The following LRRC37A2 variants were observed in gnomAD, a reference collection of about 807,000 sequenced individuals.
LRRC37A2 encodes leucine-rich repeat-containing protein 37A2.
LRRC37A2 carries 9 observed loss-of-function variants against 68.8 expected under a neutral mutation model. The ratio of observed to expected loss-of-function variants is 0.13; its 90% CI spans 0.08 to 0.23. The LOEUF (loss-of-function observed/expected upper bound fraction) is 0.23, where lower values mean the gene tolerates loss of function less well. Ranked by LOEUF, LRRC37A2 falls within the 10% of genes least tolerant of loss-of-function variation. The pLI is 1.00. For synonymous variants in LRRC37A2, 63 were observed against 367.6 expected (o/e 0.17, Z 9.48); for missense variants, 168 against 950.4 (o/e 0.18, Z 10.82).
the LRRC37A2 span, among the ~76,000 whole-genome samples, chr17:46,777,209 C>T: frequency 7.6e-5 from 11 of 145,008 alleles, no homozygotes; most frequent in African/African-American, 2.9e-4. Flanking sequence ...GACTTCGTCT[C>T]AAAAAAAAAA....
At chr17:46,418,240 C>T in the LRRC37A2 span, among the ~76,000 whole-genome samples, 4 of 65,810 alleles carry the variant, frequency 6.1e-5, no homozygotes, top group Non-Finnish European at 7.5e-5. Flanking sequence ...TGTGTGCGCG[C>T]GCGCGTGTGT....
chr17:47,000,382 G>A, the LRRC37A2 span, among the ~76,000 whole-genome samples: 1 of 151,718 alleles, frequency 6.6e-6, no homozygotes. Flanking sequence ...TTACAGGTGT[G>A]CGCCACCATG....
At chr17:46,920,689 C>T in the LRRC37A2 span, among the ~76,000 whole-genome samples, 4 of 152,184 alleles carry the variant, frequency 2.6e-5, no homozygotes, top group South Asian at 4.1e-4. Flanking sequence ...CTCCTAGAGA[C>T]GACCCCCAGC....
At chr17:46,832,445 A>C in the LRRC37A2 span, among the ~76,000 whole-genome samples, 3 of 151,310 alleles carry the variant, frequency 2.0e-5, no homozygotes, top group Admixed American at 2.0e-4. Flanking sequence ...GGGAGAAAGA[A>C]AGACCTCCTG....
chr17:46,500,916 A>G, the LRRC37A2 span, among the ~76,000 whole-genome samples: 4 of 151,142 alleles, frequency 2.6e-5, no homozygotes, highest in Admixed American at 1.3e-4. Flanking sequence ...ACTGTGGCTC[A>G]TGCCTGTAAT....
At chr17:46,767,687 T>C in the LRRC37A2 span, among the ~76,000 whole-genome samples, 5 of 152,222 alleles carry the variant, frequency 3.3e-5, no homozygotes, top group Admixed American at 3.3e-4. Flanking sequence ...AGCTAGCAGC[T>C]ATGCAAAAAT....
the LRRC37A2 span, chr17:46,728,972 G>T: frequency 8.1e-7 from 1 of 1,231,978 alleles, no homozygotes; most frequent in Non-Finnish European, 1.2e-6. Flanking sequence ...TTTTAACAAA[G>T]AGTTTTTCAG....
chr17:46,769,351 G>A, the LRRC37A2 span, among the ~76,000 whole-genome samples: 6 of 151,334 alleles, frequency 4.0e-5, no homozygotes, highest in Non-Finnish European at 7.4e-5. Flanking sequence ...AAAGAAAAAA[G>A]AAATAGGAGT....
At chr17:46,637,003 C>T in the LRRC37A2 span, among the ~76,000 whole-genome samples, 3 of 151,996 alleles carry the variant, frequency 2.0e-5, no homozygotes, top group African/African-American at 7.3e-5. Context: ...TACAGGCGCC[C>T]GCCACCACGC....
the LRRC37A2 span, among the ~76,000 whole-genome samples, chr17:46,899,467 C>T: frequency 2.0e-4 from 31 of 152,036 alleles, no homozygotes; most frequent in African/African-American, 7.0e-4. Context: ...ACACAGACAA[C>T]GTAAATGAGC....
the LRRC37A2 span, chr17:47,017,673 G>A: frequency 5.6e-6 from 9 of 1,610,798 alleles, no homozygotes; most frequent in African/African-American, 2.7e-5. Context: ...TTGGAGCCTT[G>A]CTGAGATTAT....
the LRRC37A2 span, among the ~76,000 whole-genome samples, chr17:46,779,404 G>T: frequency 6.6e-6 from 1 of 152,054 alleles, no homozygotes; most frequent in African/African-American, 2.4e-5. Flanking sequence ...CTGGGCCAGG[G>T]GCTATTTATA....
At chr17:46,735,584 A>T in the LRRC37A2 span, among the ~76,000 whole-genome samples, 2 of 152,122 alleles carry the variant, frequency 1.3e-5, no homozygotes, top group African/African-American at 4.8e-5. Context: ...ATAATTCCTC[A>T]TGTGTTACCT....
the LRRC37A2 span, among the ~76,000 whole-genome samples, chr17:46,712,328 A>G: frequency 6.6e-6 from 1 of 152,020 alleles, no homozygotes; most frequent in Non-Finnish European, 1.5e-5. Flanking sequence ...ATCTATTTAA[A>G]CCCCACTTCA....
intron 8 of LRRC37A2, among the ~76,000 whole-genome samples, 158 bp from the exon 8 acceptor site, chr17:46,546,097 T>C (rs1056301): frequency 6.6e-6 from 1 of 152,040 alleles, no homozygotes; most frequent in African/African-American, 2.4e-5. Context: ...GGCACTTTTG[T>C]CCTCCTTCCT....
the LRRC37A2 span, among the ~76,000 whole-genome samples, chr17:46,631,077 C>T: frequency 6.9e-6 from 1 of 144,856 alleles, no homozygotes; most frequent in Non-Finnish European, 1.5e-5. Context: ...CACACACACA[C>T]ACACACACAC....
At chr17:46,799,367 T>C in the LRRC37A2 span, among the ~76,000 whole-genome samples, 2 of 152,186 alleles carry the variant, frequency 1.3e-5, no homozygotes, top group African/African-American at 2.4e-5. Flanking sequence ...GGAGAGAATA[T>C]TTTTATAACC....
chr17:46,859,477 C>T, the LRRC37A2 span, among the ~76,000 whole-genome samples: 1 of 152,222 alleles, frequency 6.6e-6, no homozygotes, highest in Non-Finnish European at 1.5e-5. Flanking sequence ...TCTGGACACT[C>T]TACTCTGTTT....
chr17:46,948,447 T>C, the LRRC37A2 span: 8 of 152,230 alleles, frequency 5.3e-5, no homozygotes, highest in Admixed American at 1.3e-4. Flanking sequence ...CAGTCAGACT[T>C]TATTTGTTAC....
Sources: gnomAD v4.1 joint callset for allele counts (sites outside exome capture counted in the v4.1 genomes callset) on GRCh38, gnomAD v4.1.1 for gene constraint, MANE v1.5 for transcripts, NCBI Gene and HGNC (gene_info 2026-07-23, HGNC 2026-07-21) for gene names.